The following RAD51B variants were observed in gnomAD, a reference collection of about 807,000 sequenced individuals.
The protein encoded by RAD51B is RAD51 paralog B.
In RAD51B, 38 loss-of-function variants were observed where a neutral mutation model predicts 42.2. The observed-to-expected ratio is 0.90, with a 90% CI of 0.70 to 1.18. The LOEUF (loss-of-function observed/expected upper bound fraction) is 1.18, where lower values mean the gene tolerates loss of function less well. RAD51B is among the 50% of genes most tolerant of loss of function. RAD51B has a pLI of 0.00. For missense variants in RAD51B, 373 were observed against 400.7 expected (o/e 0.93, Z 0.59); for synonymous variants, 154 against 145.2 (o/e 1.06, Z -0.43).
intron 7 of RAD51B, among the ~76,000 whole-genome samples, chr14:67,966,107 T>G (rs547783755): frequency 6.6e-6 from 1 of 152,338 alleles, no homozygotes; most frequent in African/African-American, 2.4e-5. Flanking sequence ...GTTTCTGGCA[T>G]AGTAGTTAAT....
chr14:68,595,967 T>TTC, exon 11 of RAD51B: 1 of 564,232 alleles, frequency 1.8e-6, no homozygotes, highest in Non-Finnish European at 2.3e-6. Context: ...TTTTTTTTTT[T>TTC]CAAGTTTCCT....
chr14:67,936,295 ATC>A (rs1381758695), intron 7 of RAD51B, among the ~76,000 whole-genome samples: 4 of 152,134 alleles, frequency 2.6e-5, no homozygotes, highest in Non-Finnish European at 5.9e-5. Flanking sequence ...TCTATTTGCT[ATC>A]TCTATAGATT....
intron 9 of RAD51B, chr14:68,422,182 G>T (rs1052616407): frequency 3.3e-6 from 4 of 1,198,974 alleles, no homozygotes; most frequent in Non-Finnish European, 5.0e-6. Context: ...CAAAGAACAT[G>T]GTGGGGTTGA....
At chr14:68,245,691 A>C (rs77057276) in intron 7 of RAD51B, among the ~76,000 whole-genome samples, 1 of 152,228 alleles carries the variant, frequency 6.6e-6, no homozygotes, top group African/African-American at 2.4e-5. Flanking sequence ...TCACAAGTTG[A>C]ATAGGGCTCT....
At position 68,351,150 on chromosome 14, in the gene RAD51B, C is replaced by T. The variant is rs533731310; in HGVS notation, c.853+59170C>T. On this transcript the variant is annotated intron_variant, in intron 8 of 10. Coordinates refer to ENST00000471583, the MANE Select transcript of RAD51B (RefSeq NM_133510.4). ...AAAAGGTGACTGTATACATAAAGCA[C>T]CCTAATCCAGACCAGACTCAAAGAA... Among the ~76,000 whole-genome samples the T allele has an allele frequency of 2.3e-4, 35 of 152,208 alleles. 1 individual carries two copies. The South Asian group carries it at 7.1e-3, about 31-fold the overall frequency.
At chr14:68,608,463 C>T (rs1355715239) in intron 10 of RAD51B, among the ~76,000 whole-genome samples, 8 of 152,156 alleles carry the variant, frequency 5.3e-5, no homozygotes, top group Admixed American at 5.2e-4. Context: ...TGAGGAAGTC[C>T]CGGGGCTGTG....
chr14:67,922,940 C>T (rs1467402189), intron 7 of RAD51B, among the ~76,000 whole-genome samples: 1 of 152,200 alleles, frequency 6.6e-6, no homozygotes, highest in Non-Finnish European at 1.5e-5. Flanking sequence ...ATCCACCTAC[C>T]TCAGCCTCTC....
chr14:67,863,429 A>G (rs2042226516), intron 4 of RAD51B, among the ~76,000 whole-genome samples: 2 of 152,296 alleles, frequency 1.3e-5, no homozygotes, highest in Middle Eastern at 3.4e-3. Context: ...TGAACCAGAA[A>G]TGCTGGTTAA....
chr14:68,318,964 A>G (rs2082111191), intron 8 of RAD51B, among the ~76,000 whole-genome samples: 1 of 152,212 alleles, frequency 6.6e-6, no homozygotes, highest in African/African-American at 2.4e-5. Context: ...TCAGCCAACC[A>G]GTAATTATTT....
chr14:67,923,398 C>T (rs555656973), intron 7 of RAD51B, among the ~76,000 whole-genome samples: 1 of 149,454 alleles, frequency 6.7e-6, no homozygotes, highest in East Asian at 2.0e-4. Flanking sequence ...CTCCCGGGTT[C>T]AAGGAATTCT....
intron 8 of RAD51B, among the ~76,000 whole-genome samples, chr14:68,306,414 G>C (rs1290537699): frequency 6.6e-6 from 1 of 152,160 alleles, no homozygotes; most frequent in Non-Finnish European, 1.5e-5. Flanking sequence ...TCACCTAGCT[G>C]GGTTTCATAT....
chr14:67,874,873 T>C (rs2042675657), intron 5 of RAD51B, among the ~76,000 whole-genome samples: 1 of 152,138 alleles, frequency 6.6e-6, no homozygotes, highest in Non-Finnish European at 1.5e-5. Context: ...TTAGAGACAG[T>C]TACAAAAAGA....
chr14:68,014,908 C>G (rs951871015), intron 7 of RAD51B, among the ~76,000 whole-genome samples: 2 of 150,200 alleles, frequency 1.3e-5, no homozygotes, highest in East Asian at 3.9e-4. Flanking sequence ...TGCTCAGTCA[C>G]TTATTTGAGA....
At chr14:68,225,854 A>G (rs1301143830) in intron 7 of RAD51B, among the ~76,000 whole-genome samples, 1 of 152,242 alleles carries the variant, frequency 6.6e-6, no homozygotes, top group Non-Finnish European at 1.5e-5. Context: ...GATTTGGGAT[A>G]GGCATAAGGA....
chr14:68,286,400 A>T (rs2081415226), intron 7 of RAD51B, among the ~76,000 whole-genome samples: 1 of 152,240 alleles, frequency 6.6e-6, no homozygotes, highest in East Asian at 1.9e-4. Context: ...CTGATCATGA[A>T]TATCTCTTCT....
intron 8 of RAD51B, among the ~76,000 whole-genome samples, chr14:68,325,240 G>T (rs769735635): frequency 5.9e-5 from 9 of 152,162 alleles, no homozygotes; most frequent in African/African-American, 9.7e-5. Context: ...GTTTTTGAGG[G>T]TTAAATGCAT....
At chr14:68,589,378 T>A (rs1377496494) in intron 10 of RAD51B, among the ~76,000 whole-genome samples, 1 of 152,188 alleles carries the variant, frequency 6.6e-6, no homozygotes, top group Non-Finnish European at 1.5e-5. Context: ...TTTTTTTTCT[T>A]TAGCTGCAGG....
chr14:68,020,788 ATTGT>A (rs2075851558), intron 7 of RAD51B, among the ~76,000 whole-genome samples: 2 of 152,184 alleles, frequency 1.3e-5, no homozygotes. Flanking sequence ...AAAAACATTG[ATTGT>A]TTACAAAAAG....
intron 7 of RAD51B, among the ~76,000 whole-genome samples, chr14:68,191,868 A>G (rs1254325429): frequency 6.6e-6 from 1 of 152,196 alleles, no homozygotes; most frequent in African/African-American, 2.4e-5. Context: ...TTGGTTGTGT[A>G]AGAATAACCT....
Sources: allele counts gnomAD v4.1 joint callset (sites outside exome capture counted in the v4.1 genomes callset), GRCh38; gene constraint gnomAD v4.1.1; transcripts MANE v1.5; gene names NCBI Gene and HGNC (gene_info 2026-07-23, HGNC 2026-07-21).